Variants in LPO observed in about 807,000 individuals in gnomAD.
LPO encodes the protein lactoperoxidase, also known as salivary peroxidase.
LPO carries 70 observed loss-of-function variants against 68.4 expected under a neutral mutation model. That is an observed-to-expected ratio of 1.02 (90% CI 0.84 to 1.25). The LOEUF is 1.25. LPO is among the 50% of genes most tolerant of loss of function. The pLI, the probability that LPO is intolerant of heterozygous loss-of-function variation, is 0.00. For synonymous variants in LPO, 360 were observed against 357.6 expected (o/e 1.01, Z -0.08); for missense variants, 873 against 908.4 (o/e 0.96, Z 0.50).
intron 2 of LPO, chr17:58,243,272 G>A: frequency 1.9e-6 from 1 of 528,460 alleles, no homozygotes; most frequent in Non-Finnish European, 3.4e-6. Flanking sequence ...GGTGTTCCCT[G>A]GCTTGTAGCT....
intron 9 of LPO, among the ~76,000 whole-genome samples, chr17:58,263,745 A>C (rs970408961): frequency 1.3e-5 from 2 of 152,182 alleles, no homozygotes; most frequent in African/African-American, 4.8e-5. Context: ...GTCAAAAAAA[A>C]AAAGCACTTC....
intron 5 of LPO, 25 bp downstream of exon 5, chr17:58,249,202 C>A: frequency 1.3e-6 from 2 of 1,588,490 alleles, no homozygotes; most frequent in Non-Finnish European, 1.7e-6. Flanking sequence ...GGTGTGGGGG[C>A]CGACCATTCC....
chr17:58,247,757 G>C, intron 4 of LPO, 119 bp downstream of exon 4: 2 of 1,148,696 alleles, frequency 1.7e-6, no homozygotes, highest in Non-Finnish European at 2.4e-6. Flanking sequence ...GAACACTCCT[G>C]TCTCTCCCTT....
At chr17:58,248,283 T>C (rs1969889555) in intron 4 of LPO, among the ~76,000 whole-genome samples, 1 of 151,672 alleles carries the variant, frequency 6.6e-6, no homozygotes, top group Non-Finnish European at 1.5e-5. Flanking sequence ...GGCCCAGGAG[T>C]TGGGCAAATT....
intron 5 of LPO, 44 bp from the exon 6 acceptor site, chr17:58,249,522 G>C: frequency 2.5e-6 from 4 of 1,588,790 alleles, no homozygotes; most frequent in Non-Finnish European, 3.4e-6. Context: ...TTGGAGCCCC[G>C]GAGCCGGCCT....
chr17:58,267,595 G>A lies in LPO; in HGVS notation c.1931+9G>A, dbSNP rs1281380842. 2.5e-6 allele frequency: 4 copies of A among 1,597,896 alleles called. No individual in the cohort carries two copies. The highest frequency in any genetic ancestry group is 1.3e-5 in the African/African-American group (1 of 74,734). On this transcript the variant is annotated intron_variant, in intron 12 of 12. Coordinates refer to ENST00000262290, the MANE Select transcript of LPO (RefSeq NM_006151.3). ...ATCCGTGATGGAGACAGGCAAGTGC[G>A]TCCTCAGCCAGGGAGGGAAGGGCAG... is the stretch of plus-strand genomic sequence containing the variant.
At chr17:58,256,706 C>T (rs901349271) in intron 9 of LPO, among the ~76,000 whole-genome samples, 6 of 151,442 alleles carry the variant, frequency 4.0e-5, no homozygotes, top group Middle Eastern at 3.4e-3. Flanking sequence ...CCCAGCTACT[C>T]GGGAGGATGA....
intron 8 of LPO, among the ~76,000 whole-genome samples, chr17:58,252,884 G>A (rs1002587727): frequency 4.0e-5 from 6 of 151,494 alleles, no homozygotes; most frequent in Admixed American, 2.0e-4. Flanking sequence ...TTAGCCGGGC[G>A]TGGTGGCACA....
rs563941514 is a variant in LPO, at chr17:58,244,785, C to T, written c.164+704C>T. On this transcript the variant is annotated intron_variant, in intron 3 of 12. Coordinates refer to ENST00000262290, the MANE Select transcript of LPO (RefSeq NM_006151.3). ...GCCACTCCAGTGGCTCAGAAGCAGG[C>T]GCCCAACAAGGTTACTGGAGTGAGC... Among the ~76,000 whole-genome samples the T allele has an allele frequency of 8.5e-5, 13 of 152,286 alleles. No homozygotes were observed. In the East Asian group the frequency reaches 1.5e-3, roughly 18 times the overall value.
At chr17:58,245,953 T>G (rs1969846595) in intron 3 of LPO, among the ~76,000 whole-genome samples, 1 of 152,208 alleles carries the variant, frequency 6.6e-6, no homozygotes, top group Non-Finnish European at 1.5e-5. Context: ...GGTTAGTCCT[T>G]GGACTCAGGG....
intron 9 of LPO, among the ~76,000 whole-genome samples, chr17:58,262,373 A>G (rs1016186614): frequency 1.3e-5 from 2 of 151,906 alleles, no homozygotes; most frequent in East Asian, 1.9e-4. Flanking sequence ...AGCTTCACCG[A>G]TATTTTGTTT....
In LPO at chr17:58,249,067, C is replaced by T. The variant is rs1969905248; in HGVS notation, c.333C>T (p.Ser111=). 4.3e-6 allele frequency: 7 copies of T among 1,613,936 alleles called. No homozygotes were observed. The highest frequency in any genetic ancestry group is 5.9e-6 in the Non-Finnish European group (7 of 1,179,792). Residue 111 remains serine, a synonymous_variant, in exon 5 of 13, where the codon AGC becomes AGT. Transcript: ENST00000262290. ...GGGTCCCTTCTGTTTCAGATCCCAG[C>T]CTGGACTTGACTTCACTGTCTCTGG... ...KASLTNVTDP[S]LDLTSLSLEV...
rs1250234892 is a variant in LPO at position 58,243,976 on chromosome 17, C to G, written c.77-18C>G. ...GGTGTCTGACACCCTACTTCCTGCT[C>G]CCCACTCCAACCCCAAGCGCAGACT... On this transcript the variant is annotated intron_variant, in intron 2 of 12. Coordinates refer to ENST00000262290, the MANE Select transcript of LPO (RefSeq NM_006151.3). 1.3e-6 allele frequency: 2 copies of G among 1,590,226 alleles called. No individual in the cohort carries two copies. Among genetic ancestry groups the G allele is most frequent in the Non-Finnish European group, 1.7e-6 (2 of 1,158,452 alleles).
chr17:58,260,201 T>C (rs968632638), intron 9 of LPO, among the ~76,000 whole-genome samples: 1 of 152,254 alleles, frequency 6.6e-6, no homozygotes, highest in Non-Finnish European at 1.5e-5. Flanking sequence ...GAAAATATAA[T>C]TGATTTTTTT....
Position 58,264,881 on chromosome 17 carries a change from T to A in LPO, c.1426T>A (p.Phe476Ile). The A allele has an allele frequency of 6.2e-7, 1 of 1,614,270 alleles. No individual in the cohort carries two copies. The highest frequency in any genetic ancestry group is 8.5e-7 in the Non-Finnish European group (1 of 1,180,044). The change falls in exon 10 of 13, where the codon TTC (phenylalanine) becomes ATC (isoleucine). Residue 476 changes from phenylalanine (F) to isoleucine (I), a missense_variant. Phe to Ile is a conservative substitution (Grantham distance 21). Coordinates refer to ENST00000262290, the MANE Select transcript of LPO (RefSeq NM_006151.3). ...FGHLEVPSSM[F>I]RLDENYQPWG... ...CCACTTGGAGGTCCCCTCTAGTATG[T>A]TCCGCCTGGATGAGAATTATCAGCC... is the stretch of plus-strand genomic sequence containing the variant.
chr17:58,255,285 C>A (rs1809026367), intron 9 of LPO, among the ~76,000 whole-genome samples: 1 of 152,186 alleles, frequency 6.6e-6, no homozygotes, highest in African/African-American at 2.4e-5. Context: ...ACTGCTACAT[C>A]GCAGTGATTT....
chr17:58,262,017 A>G (rs1371631849), intron 9 of LPO, among the ~76,000 whole-genome samples: 3 of 152,212 alleles, frequency 2.0e-5, no homozygotes, highest in Non-Finnish European at 4.4e-5. Context: ...AGCACATCAG[A>G]TGGTGCTTCA....
At chr17:58,247,440 AG>A in intron 3 of LPO, 37 bp from the exon 4 acceptor site, 1 of 1,581,718 alleles carries the variant, frequency 6.3e-7, no homozygotes, top group Non-Finnish European at 8.6e-7. Context: ...CCCTTCCTAC[AG>A]GGTCCAGGCC....
chr17:58,253,022 C>CAAAAAAAAA lies in LPO; in HGVS notation c.1105+534_1105+542dup, dbSNP rs765890765. 4.8e-4 allele frequency among the ~76,000 whole-genome samples: 15 copies of CAAAAAAAAA among 31,072 alleles called. No individual in the cohort carries two copies. In the East Asian group the frequency reaches 5.3e-3, roughly 11 times the overall value. 20.4% of individuals were successfully genotyped at this position (31,072 alleles called of 152,430 possible). A position where few individuals can be genotyped will look rare whatever the true frequency, so the allele number is the denominator to read the frequency against. ...TGGGCAACAAAGCAAGACTCCATCT[C>CAAAAAAAAA]AAAAAAAAAAAAAAAAAAAAAAAAA... On this transcript the variant is annotated intron_variant, in intron 8 of 12. Coordinates refer to ENST00000262290, the MANE Select transcript of LPO (RefSeq NM_006151.3).
Sources: gnomAD v4.1 joint callset for allele counts (sites outside exome capture counted in the v4.1 genomes callset) on GRCh38, gnomAD v4.1.1 for gene constraint, MANE v1.5 for transcripts, NCBI Gene and HGNC (gene_info 2026-07-23, HGNC 2026-07-21) for gene names.